ESRRB: variants seen among roughly 807,000 people sequenced by gnomAD.
ESRRB encodes the protein estrogen related receptor beta, also known as steroid hormone receptor ERR2.
In ESRRB, 16 loss-of-function variants were observed where a neutral mutation model predicts 46.0. The ratio of observed to expected loss-of-function variants is 0.35; its 90% confidence interval spans 0.24 to 0.53. The LOEUF (loss-of-function observed/expected upper bound fraction) is 0.53. Among genes scored for constraint, ESRRB ranks in the 20% least tolerant of loss-of-function variants. The pLI, the probability that ESRRB is intolerant of heterozygous loss-of-function variation, is 0.93. For synonymous variants in ESRRB, 246 were observed against 259.6 expected (o/e 0.95, Z 0.50); for missense variants, 488 against 607.4 (o/e 0.80, Z 2.07).
intron 1 of ESRRB, among the ~76,000 whole-genome samples, chr14:76,337,082 C>T (rs1884135244): frequency 6.6e-6 from 1 of 151,992 alleles, no homozygotes; most frequent in South Asian, 2.1e-4. Context: ...TAGGAACGGA[C>T]TAGGGGTGTT....
chr14:76,436,739 C>T (rs1887691817), intron 1 of ESRRB, among the ~76,000 whole-genome samples: 1 of 152,018 alleles, frequency 6.6e-6, no homozygotes, highest in African/African-American at 2.4e-5. Context: ...TGGCAGTGCC[C>T]AGGGAGATGA....
chr14:76,434,844 C>T (rs1332318183), intron 1 of ESRRB, among the ~76,000 whole-genome samples: 3 of 152,256 alleles, frequency 2.0e-5, no homozygotes, highest in Admixed American at 6.5e-5. Flanking sequence ...AAGCAAGGAA[C>T]GTGGACCTGC....
intron 3 of ESRRB, among the ~76,000 whole-genome samples, chr14:76,465,718 G>A (rs113495239): frequency 5.5e-4 from 84 of 152,338 alleles, no homozygotes; most frequent in African/African-American, 1.9e-3. Context: ...TGCTCGGCTC[G>A]AAAAGGCCCT....
intron 1 of ESRRB, among the ~76,000 whole-genome samples, chr14:76,337,271 A>T (rs916128644): frequency 5.3e-5 from 8 of 152,192 alleles, no homozygotes; most frequent in African/African-American, 1.9e-4. Context: ...ATCCTGTCCC[A>T]TGATGTGGGA....
chr14:76,371,361 G>C (rs1480571382), upstream of ESRRB: 1 of 152,274 alleles, frequency 6.6e-6, no homozygotes, highest in Non-Finnish European at 1.5e-5. Context: ...AGAGAGGTGT[G>C]GTCAGGGACA....
At chr14:76,485,522 G>A (rs749379672) in intron 5 of ESRRB, among the ~76,000 whole-genome samples, 3 of 152,014 alleles carry the variant, frequency 2.0e-5, no homozygotes, top group Admixed American at 1.3e-4. Context: ...GATTATAGGC[G>A]TGAGCCACCG....
intron 1 of ESRRB, among the ~76,000 whole-genome samples, chr14:76,379,302 G>T (rs1884909348): frequency 6.6e-6 from 1 of 152,120 alleles, no homozygotes; most frequent in African/African-American, 2.4e-5. Context: ...TCCATGACTG[G>T]ACCAGCTGGA....
intron 2 of ESRRB, among the ~76,000 whole-genome samples, chr14:76,442,238 A>G (rs1214870043): frequency 1.3e-5 from 2 of 152,108 alleles, no homozygotes; most frequent in African/African-American, 4.8e-5. Flanking sequence ...CATTTCAGGA[A>G]GCCGAGGAGG....
intron 1 of ESRRB, among the ~76,000 whole-genome samples, chr14:76,391,551 C>T (rs532871481): frequency 1.3e-5 from 2 of 152,344 alleles, no homozygotes; most frequent in South Asian, 4.1e-4. Flanking sequence ...CCCTTTGGAG[C>T]GGCCTTGCCG....
In ESRRB at chr14:76,344,772, AACCTAGGAG is replaced by A. The variant is rs549372021; in HGVS notation, c.2+33857_2+33865del. ...GAAGCTGAGGCAGGAGAATGGTGTG[AACCTAGGAG>A]GCGGAAGTTGCAGTGAGCTGAGACG... is the stretch of plus-strand genomic sequence containing the variant. On this transcript the variant is annotated intron_variant, in intron 1 of 6. Transcript: ENST00000512784. 1.6e-4 allele frequency among the ~76,000 whole-genome samples: 24 copies of A among 152,062 alleles called. 1 individual carries two copies. The South Asian group carries it at 5.0e-3, about 32-fold the overall frequency.
chr14:76,445,253 T>A (rs75528047), intron 2 of ESRRB, among the ~76,000 whole-genome samples: 1 of 150,196 alleles, frequency 6.7e-6, no homozygotes, highest in African/African-American at 2.5e-5. Flanking sequence ...GTGGATTACC[T>A]AAGATCAGGT....
At chr14:76,378,036 G>T (rs1884852209) in intron 1 of ESRRB, among the ~76,000 whole-genome samples, 1 of 152,124 alleles carries the variant, frequency 6.6e-6, no homozygotes, top group South Asian at 2.1e-4. Flanking sequence ...GGGATGGGGT[G>T]GGAGCACCTG....
chr14:76,500,750 G>C lies in ESRRB; in HGVS notation c.*2292G>C. 6.2e-7 allele frequency: 1 copy of C among 1,613,216 alleles called. No homozygotes were observed. Among genetic ancestry groups the C allele is most frequent in the South Asian group, 1.1e-5 (1 of 91,060 alleles). On this transcript the variant is annotated 3_prime_UTR_variant, in exon 7 of 7. Transcript: ENST00000644823. ...CTGGCTTGGAGCAAGTGGGTGTTCT[G>C]CACACCAGGCAGCTGCACCTCACTG...
At chr14:76,471,945 C>T (rs1361546555) in intron 3 of ESRRB, among the ~76,000 whole-genome samples, 6 of 152,174 alleles carry the variant, frequency 3.9e-5, no homozygotes, top group Admixed American at 3.9e-4. Context: ...ATGTCTGCCA[C>T]AGACTAAGAA....
intron 1 of ESRRB, among the ~76,000 whole-genome samples, chr14:76,316,818 GA>G (rs1430577947): frequency 6.6e-6 from 1 of 152,146 alleles, no homozygotes; most frequent in Non-Finnish European, 1.5e-5. Flanking sequence ...TCTGTTCAGT[GA>G]AGAAGCTTTG....
Position 76,376,293 on chromosome 14 carries a change from C to A in ESRRB, c.-109C>A. The A allele has an allele frequency of 1.2e-6, 1 of 859,550 alleles. No individual in the cohort carries two copies. Among genetic ancestry groups the A allele is most frequent in the Non-Finnish European group, 1.5e-6 (1 of 648,084 alleles). 53.2% of individuals were successfully genotyped at this position (859,550 alleles called of 1,614,324 possible). On this transcript the variant is annotated 5_prime_UTR_variant, in exon 1 of 7. Transcript: ENST00000644823. This position sits in a 1 kb window ranked among gnomAD's most constrained non-coding sequence, Gnocchi z 4.1. The stretch of plus-strand genomic sequence containing the variant: ...CCTCCTCCCACTCTGCGTTCTCGCG[C>A]TCACTGTGCCCTGCCCGGGCTCGCA...
intron 3 of ESRRB, among the ~76,000 whole-genome samples, chr14:76,470,227 G>C (rs1426163846): frequency 1.3e-5 from 2 of 152,130 alleles, no homozygotes; most frequent in African/African-American, 4.8e-5. Flanking sequence ...TGGGATTATA[G>C]GCATGAGCTA....
At chr14:76,367,016 G>A (rs1884529974), upstream of ESRRB, among the ~76,000 whole-genome samples, 1 of 152,182 alleles carries the variant, frequency 6.6e-6, no homozygotes. Context: ...TAAGCGATTT[G>A]CGGACTGGCT....
chr14:76,423,423 C>T (rs887445548), intron 1 of ESRRB, among the ~76,000 whole-genome samples: 4 of 152,162 alleles, frequency 2.6e-5, no homozygotes, highest in African/African-American at 7.2e-5. Context: ...AGATTACAGG[C>T]GTGAGCCACC....
Sources: gnomAD v4.1 joint callset for allele counts (sites outside exome capture counted in the v4.1 genomes callset) on GRCh38, gnomAD v4.1.1 for gene constraint, Gnocchi (gnomAD v3.1) non-coding constraint, MANE v1.5 for transcripts, NCBI Gene and HGNC (gene_info 2026-07-23, HGNC 2026-07-21) for gene names.